The following MADD variants were observed in gnomAD, a reference collection of about 807,000 sequenced individuals.
MADD encodes the protein MAP kinase-activating death domain protein.
In MADD, 109 loss-of-function variants were observed where a neutral mutation model predicts 176.7. That is an observed-to-expected ratio of 0.62 (90% confidence interval 0.53 to 0.72). The LOEUF (loss-of-function observed/expected upper bound fraction) is 0.72. MADD is among the 30% of genes least tolerant of loss of function. The pLI is 0.00. For synonymous variants in MADD, 771 were observed against 771.3 expected (o/e 1.00, Z 0.01); for missense variants, 1,914 against 2,045.5 (o/e 0.94, Z 1.24).
intron 28 of MADD, 144 bp downstream of exon 31, chr11:47,323,979 C>G: frequency 1.1e-6 from 1 of 879,044 alleles, no homozygotes; most frequent in South Asian, 1.7e-5. Flanking sequence ...CTAAAGCTGT[C>G]TCTGTCAAGC....
chr11:47,293,936 T>C, exon 20 of MADD: 2 of 1,614,156 alleles, frequency 1.2e-6, no homozygotes, highest in Non-Finnish European at 1.7e-6. Context: ...GGAGAAAAAG[T>C]CCCAGATCAG....
chr11:47,301,541 C>T (rs904427264), intron 22 of MADD, among the ~76,000 whole-genome samples: 11 of 152,134 alleles, frequency 7.2e-5, no homozygotes, highest in Non-Finnish European at 1.6e-4. Flanking sequence ...TTGAAATCTT[C>T]CTACTTTTTT....
At chr11:47,312,335 A>AC (rs1326977064) in intron 26 of MADD, among the ~76,000 whole-genome samples, 1 of 151,654 alleles carries the variant, frequency 6.6e-6, no homozygotes, top group Non-Finnish European at 1.5e-5. Flanking sequence ...TGCAACCTCC[A>AC]CCTCCTGGGT....
chr11:47,295,808 T>C (rs1565419034), intron 21 of MADD, 89 bp from the exon 24 acceptor site: 1 of 1,531,762 alleles, frequency 6.5e-7, no homozygotes, highest in Non-Finnish European at 8.7e-7. Context: ...AATTTAATAC[T>C]TTTTTATGGT....
In MADD at chr11:47,292,707, G is replaced by A. The variant is rs1197598777; in HGVS notation, c.3302-1176G>A. ...GCCCCACCCCAAATTTGCTCTTAGA[G>A]CGTGTTTGGAATGGCAGCAGGTAGG... is the stretch of plus-strand genomic sequence containing the variant. On this transcript the variant is annotated intron_variant, in intron 19 of 32. Transcript: ENST00000402192. 6 of 1,042,006 alleles carry A rather than the reference G, an allele frequency of 5.8e-6. No individual in the cohort carries two copies. In the East Asian group the frequency reaches 7.1e-5, roughly 12 times the overall value. 64.5% of individuals were successfully genotyped at this position (1,042,006 alleles called of 1,614,324 possible).
At chr11:47,288,860 C>A in intron 15 of MADD, 108 bp from the exon 16 acceptor site, 1 of 845,882 alleles carries the variant, frequency 1.2e-6, no homozygotes, top group Non-Finnish European at 1.9e-6. Context: ...TATGTGCATT[C>A]CTCAAGCTTT....
intron 21 of MADD, 28 bp from the exon 24 acceptor site, chr11:47,295,869 G>A (rs375329559): frequency 6.3e-7 from 1 of 1,598,998 alleles, no homozygotes; most frequent in Admixed American, 1.7e-5. Flanking sequence ...CCTGGGGACT[G>A]TCTCTTACTA....
At chr11:47,278,937 G>A in intron 6 of MADD, 62 bp from the exon 7 acceptor site, 4 of 1,372,872 alleles carry the variant, frequency 2.9e-6, no homozygotes, top group Non-Finnish European at 4.2e-6. Context: ...TTTTATTTAT[G>A]TAAGTGAAAT....
intron 27 of MADD, among the ~76,000 whole-genome samples, chr11:47,317,928 C>T (rs2141539604): frequency 6.6e-6 from 1 of 152,212 alleles, no homozygotes; most frequent in Admixed American, 6.5e-5. Flanking sequence ...TGCCACCACA[C>T]CCGGCTAATT....
intron 26 of MADD, 118 bp from the exon 30 acceptor site, chr11:47,315,102 G>A: frequency 1.8e-6 from 1 of 557,534 alleles, no homozygotes; most frequent in South Asian, 2.4e-5. Flanking sequence ...CCAGTGGCCA[G>A]CAGATGAGAC....
intron 1 of MADD, among the ~76,000 whole-genome samples, chr11:47,271,782 CA>C (rs935295826): frequency 6.6e-6 from 1 of 150,932 alleles, no homozygotes; most frequent in African/African-American, 2.4e-5. Flanking sequence ...TTTATTAAAA[CA>C]AATTATGCTT....
intron 9 of MADD, 82 bp downstream of exon 9, chr11:47,282,698 TG>T: frequency 2.5e-6 from 4 of 1,589,226 alleles, no homozygotes; most frequent in Non-Finnish European, 3.4e-6. Flanking sequence ...TGCTAATGTT[TG>T]ACCTGTGCCT....
At chr11:47,293,426 C>T (rs577469292) in intron 19 of MADD, among the ~76,000 whole-genome samples, 4 of 151,804 alleles carry the variant, frequency 2.6e-5, no homozygotes, top group African/African-American at 7.3e-5. Context: ...CTCAACCTCC[C>T]GAGTAGCTGA....
exon 12 of MADD, chr11:47,284,494 C>T (rs17854007): frequency 1.2e-6 from 2 of 1,614,098 alleles, no homozygotes; most frequent in East Asian, 2.2e-5. Context: ...TCAGGAAAAC[C>T]CCCCACTGCG....
intron 19 of MADD, among the ~76,000 whole-genome samples, 164 bp downstream of exon 21, chr11:47,292,760 G>A (rs996313583): frequency 3.3e-5 from 5 of 151,978 alleles, no homozygotes; most frequent in African/African-American, 1.2e-4. Context: ...GTGTGTGTAG[G>A]CCGCTTCTTT....
intron 22 of MADD, among the ~76,000 whole-genome samples, chr11:47,296,652 G>A (rs1450009852): frequency 6.6e-6 from 1 of 152,068 alleles, no homozygotes; most frequent in East Asian, 1.9e-4. Flanking sequence ...AATAGGTGAG[G>A]GGAACAATGC....
intron 28 of MADD, chr11:47,324,046 ACAC>A: frequency 1.6e-6 from 1 of 642,018 alleles, no homozygotes; most frequent in Non-Finnish European, 2.7e-6. Context: ...TAGCATTCCT[ACAC>A]ATCTGTACCC....
At chr11:47,320,155 T>G (rs2094175969) in intron 27 of MADD, among the ~76,000 whole-genome samples, 1 of 151,822 alleles carries the variant, frequency 6.6e-6, no homozygotes, top group Admixed American at 6.6e-5. Context: ...TCTCACTATT[T>G]TTTAAAAAAA....
chr11:47,321,788 C>T (rs1218844681), intron 27 of MADD, among the ~76,000 whole-genome samples: 3 of 152,030 alleles, frequency 2.0e-5, no homozygotes, highest in Non-Finnish European at 4.4e-5. Context: ...AGGAAGGAGT[C>T]GGGCATCAAT....
Sources: allele counts gnomAD v4.1 joint callset (sites outside exome capture counted in the v4.1 genomes callset), GRCh38; gene constraint gnomAD v4.1.1; transcripts MANE v1.5; gene names NCBI Gene and HGNC (gene_info 2026-07-23, HGNC 2026-07-21).